CAMK1D: variants seen among roughly 807,000 people sequenced by gnomAD.
The protein encoded by CAMK1D is calcium/calmodulin-dependent protein kinase type 1D.
CAMK1D carries 9 observed loss-of-function variants against 47.7 expected under a neutral mutation model. The observed-to-expected ratio is 0.19, with a 90% CI of 0.11 to 0.33. The LOEUF (loss-of-function observed/expected upper bound fraction) is 0.33, where lower values mean the gene tolerates loss of function less well. Ranked by LOEUF, CAMK1D falls within the 10% of genes least tolerant of loss-of-function variation. CAMK1D has a pLI of 1.00. For missense variants in CAMK1D, 291 were observed against 488.7 expected, an observed-to-expected ratio of 0.60 and a Z score of 3.81; for synonymous variants, 184 against 184.9, an observed-to-expected ratio of 0.99 and a Z score of 0.04.
intron 3 of CAMK1D, among the ~76,000 whole-genome samples, chr10:12,726,262 A>G (rs1834630075): frequency 6.6e-6 from 1 of 151,752 alleles, no homozygotes; most frequent in Non-Finnish European, 1.5e-5. Flanking sequence ...TGTTTCTACT[A>G]AAATATAAAA....
chr10:12,386,408 C>T (rs1383716211), intron 1 of CAMK1D, among the ~76,000 whole-genome samples: 3 of 151,552 alleles, frequency 2.0e-5, no homozygotes, highest in Admixed American at 6.6e-5. Context: ...CTCCACTGCA[C>T]TCCAGCCTGG....
Position 12,451,596 on chromosome 10 carries a change from G to A in CAMK1D, c.93-101629G>A, listed in dbSNP as rs1031907574. Among the ~76,000 whole-genome samples, 4 of 152,284 alleles carry A rather than the reference G, an allele frequency of 2.6e-5. No homozygotes were observed. In the East Asian group the frequency reaches 5.8e-4, roughly 22 times the overall value. On this transcript the variant is annotated intron_variant, in intron 1 of 10. Transcript: ENST00000619168. Reference sequence around the variant, plus strand: ...AAATGAGATAAATTCTGATAATAGTGGCACTTAATAAATATTAATTGTCAT... The same window carrying A: ...AAATGAGATAAATTCTGATAATAGTAGCACTTAATAAATATTAATTGTCAT...
At chr10:12,478,376 A>G (rs945909409) in intron 1 of CAMK1D, among the ~76,000 whole-genome samples, 15 of 151,826 alleles carry the variant, frequency 9.9e-5, no homozygotes, top group African/African-American at 3.1e-4. Context: ...ATCATGGCTT[A>G]CTGCAGCCCC....
At chr10:12,682,305 A>G (rs896924853) in intron 3 of CAMK1D, among the ~76,000 whole-genome samples, 7 of 152,302 alleles carry the variant, frequency 4.6e-5, no homozygotes, top group Middle Eastern at 3.4e-3. Context: ...TGGCGCCCCT[A>G]TTTTTAATTG....
At chr10:12,593,643 C>T (rs1008125078) in intron 2 of CAMK1D, among the ~76,000 whole-genome samples, 4 of 151,748 alleles carry the variant, frequency 2.6e-5, no homozygotes, top group African/African-American at 7.3e-5. Flanking sequence ...AACTTCATCC[C>T]TTTAACCAAA....
chr10:12,512,674 T>A (rs1045195758), intron 1 of CAMK1D, among the ~76,000 whole-genome samples: 4 of 152,196 alleles, frequency 2.6e-5, no homozygotes, highest in Non-Finnish European at 4.4e-5. Flanking sequence ...CCTTTGTAGC[T>A]GTCATCAAGC....
At chr10:12,531,739 G>C (rs954128197) in intron 1 of CAMK1D, among the ~76,000 whole-genome samples, 4 of 152,214 alleles carry the variant, frequency 2.6e-5, no homozygotes, top group African/African-American at 9.6e-5. Context: ...GCTGTCCCCT[G>C]ACATCGCCCG....
At chr10:12,743,669 C>G (rs932340642) in intron 3 of CAMK1D, among the ~76,000 whole-genome samples, 1 of 152,172 alleles carries the variant, frequency 6.6e-6, no homozygotes, top group East Asian at 1.9e-4. Flanking sequence ...AGCAGTCACT[C>G]CCTATTTCTC....
chr10:12,501,415 C>T (rs1001390102), intron 1 of CAMK1D, among the ~76,000 whole-genome samples: 3 of 152,174 alleles, frequency 2.0e-5, no homozygotes, highest in Admixed American at 6.5e-5. Context: ...TTACCTGGGG[C>T]GTGAGTGCGT....
chr10:12,584,352 G>A (rs144898731), intron 2 of CAMK1D, among the ~76,000 whole-genome samples: 19 of 152,324 alleles, frequency 1.2e-4, no homozygotes, highest in Middle Eastern at 3.4e-3. Context: ...GTGATGACTC[G>A]GAGGAGGAGA....
chr10:12,698,316 A>G (rs1434241437), intron 3 of CAMK1D, among the ~76,000 whole-genome samples: 1 of 152,138 alleles, frequency 6.6e-6, no homozygotes, highest in Non-Finnish European at 1.5e-5. Context: ...ATACCGAACC[A>G]TTGCTTCTAG....
intron 1 of CAMK1D, among the ~76,000 whole-genome samples, chr10:12,383,775 G>C (rs754517141): frequency 1.3e-5 from 2 of 152,164 alleles, no homozygotes; most frequent in Non-Finnish European, 2.9e-5. Flanking sequence ...AAGAATGAAC[G>C]CTTTACCTTA....
chr10:12,645,473 G>A (rs1334912539), intron 2 of CAMK1D, among the ~76,000 whole-genome samples: 1 of 152,168 alleles, frequency 6.6e-6, no homozygotes, highest in Non-Finnish European at 1.5e-5. Context: ...GATAGGGTGG[G>A]CTTATGTTAG....
chr10:12,737,197 A>C (rs542273562), intron 3 of CAMK1D, among the ~76,000 whole-genome samples: 3 of 151,624 alleles, frequency 2.0e-5, no homozygotes, highest in African/African-American at 7.3e-5. Flanking sequence ...CTCTCTCCTC[A>C]GGGTCTTCAC....
chr10:12,480,534 T>C (rs944733885), intron 1 of CAMK1D, among the ~76,000 whole-genome samples: 4 of 152,256 alleles, frequency 2.6e-5, no homozygotes, highest in African/African-American at 9.6e-5. Flanking sequence ...ATCCCTTTGA[T>C]AGCACTTGCT....
chr10:12,513,693 C>T (rs1044141123), intron 1 of CAMK1D, among the ~76,000 whole-genome samples: 3 of 151,904 alleles, frequency 2.0e-5, no homozygotes, highest in East Asian at 1.9e-4. Context: ...CCCAGCTACT[C>T]GGGAGGCTGA....
intron 1 of CAMK1D, among the ~76,000 whole-genome samples, chr10:12,478,964 T>C (rs1050119446): frequency 1.3e-5 from 2 of 152,240 alleles, no homozygotes; most frequent in Admixed American, 1.3e-4. Context: ...ACGTATTTTC[T>C]CCTTTAATTC....
chr10:12,554,317 A>G (rs1264339961), intron 2 of CAMK1D, among the ~76,000 whole-genome samples: 1 of 129,288 alleles, frequency 7.7e-6, no homozygotes, highest in Admixed American at 7.7e-5. Flanking sequence ...CATCATGCCC[A>G]GCTAATTTTT....
At chr10:12,444,489 G>A (rs774796673) in intron 1 of CAMK1D, among the ~76,000 whole-genome samples, 3 of 152,206 alleles carry the variant, frequency 2.0e-5, no homozygotes, top group African/African-American at 4.8e-5. Flanking sequence ...GCCCCAGGAC[G>A]TCCTGTGAAC....
Sources: allele counts gnomAD v4.1 joint callset (sites outside exome capture counted in the v4.1 genomes callset), GRCh38; gene constraint gnomAD v4.1.1; transcripts MANE v1.5; gene names NCBI Gene and HGNC (gene_info 2026-07-23, HGNC 2026-07-21).